PTCHD1: variants seen among roughly 807,000 people sequenced by gnomAD.
The protein encoded by PTCHD1 is patched domain-containing protein 1.
In PTCHD1, 3 loss-of-function variants were observed where a neutral mutation model predicts 34.6. That is an observed-to-expected ratio of 0.09 (90% CI 0.04 to 0.22). The LOEUF (loss-of-function observed/expected upper bound fraction) is 0.22. Among genes scored for constraint, PTCHD1 ranks in the 10% least tolerant of loss-of-function variants. The pLI is 1.00. For missense variants in PTCHD1, 504 were observed against 685.5 expected (o/e 0.74, Z 2.96); for synonymous variants, 305 against 283.1 (o/e 1.08, Z -0.77).
intron 1 of PTCHD1, among the ~76,000 whole-genome samples, chrX:23,367,098 G>T (rs1333156775): frequency 1.8e-5 from 2 of 112,006 alleles, no homozygotes; most frequent in South Asian, 3.7e-4. Flanking sequence ...GAATCTGCCT[G>T]AAGTCCCTCC....
At chrX:23,335,740 A>T (rs775519247) in intron 1 of PTCHD1, among the ~76,000 whole-genome samples, 1 of 111,485 alleles carries the variant, frequency 9.0e-6, no homozygotes, top group Admixed American at 9.4e-5. Flanking sequence ...GGGAAAGGAC[A>T]AAAGAATGTG....
chrX:23,372,181 GTT>G (rs372544790), intron 1 of PTCHD1, among the ~76,000 whole-genome samples: 2 of 101,803 alleles, frequency 2.0e-5, no homozygotes, highest in African/African-American at 3.6e-5. Flanking sequence ...ACATACTAGT[GTT>G]TTTTTTTTTT....
chrX:23,357,825 G>A (rs1224259189), intron 1 of PTCHD1, among the ~76,000 whole-genome samples: 3 of 110,501 alleles, frequency 2.7e-5, no homozygotes, highest in Non-Finnish European at 5.7e-5. Flanking sequence ...CCCACCCCAC[G>A]ACAGGCCCTG....
chrX:23,370,317 C>T (rs1205189643), intron 1 of PTCHD1, among the ~76,000 whole-genome samples: 1 of 111,814 alleles, frequency 8.9e-6, no homozygotes, highest in African/African-American at 3.3e-5. Flanking sequence ...AACCATGCCA[C>T]CAACATCAGC....
At chrX:23,359,961 G>A (rs1367780569) in intron 1 of PTCHD1, among the ~76,000 whole-genome samples, 4 of 111,639 alleles carry the variant, frequency 3.6e-5, no homozygotes, top group Non-Finnish European at 7.5e-5. Flanking sequence ...TTATTGATTT[G>A]CATATGTTGA....
chrX:23,346,348 A>G (rs1349649010), intron 1 of PTCHD1, among the ~76,000 whole-genome samples: 1 of 111,289 alleles, frequency 9.0e-6, no homozygotes, highest in African/African-American at 3.3e-5. Context: ...GAGAGATCCG[A>G]CCCACTCGGA....
In PTCHD1 at chrX:23,364,371, G is replaced by GACACAC. The variant is rs200572986; in HGVS notation, c.352-15181_352-15176dup. On this transcript the variant is annotated intron_variant, in intron 1 of 2. Coordinates refer to ENST00000379361, the MANE Select transcript of PTCHD1 (RefSeq NM_173495.3). ...TCATACCTTAATTATGAAGAGTGTA[G>GACACAC]ACACACACACACACACACACACACA... Among the ~76,000 whole-genome samples, 549 of 91,980 alleles carry GACACAC rather than the reference G, an allele frequency of 6.0e-3. 3 individuals are homozygous for GACACAC. The highest frequency in any genetic ancestry group is 0.02 in the East Asian group (55 of 2,813). The allele number at this position is 91,980 out of a possible 115,157, so 79.9% of individuals were successfully genotyped here.
rs1396502088 is a variant in PTCHD1, at chrX:23,382,038, T to C, written c.1012+1787T>C. Among the ~76,000 whole-genome samples the C allele has an allele frequency of 6.3e-5, 7 of 111,732 alleles. No individual in the cohort carries two copies. In the Admixed American group the frequency reaches 6.7e-4, roughly 11 times the overall value. ...ATTTTTTAGCTTTTCATTTTCTTGC[T>C]GCTTTTGTGGGAGGAAGAGAAATAG... On this transcript the variant is annotated intron_variant, in intron 2 of 2. Transcript: ENST00000379361.
Position 23,341,347 on chromosome X carries a change from G to A in PTCHD1, c.351+6121G>A, listed in dbSNP as rs377468363. Among the ~76,000 whole-genome samples the A allele has an allele frequency of 4.5e-5, 5 of 112,263 alleles. No homozygotes were observed. The East Asian group carries it at 1.1e-3, about 25-fold the overall frequency. On this transcript the variant is annotated intron_variant, in intron 1 of 2. Transcript: ENST00000379361. ...TGAACTGATGACTCCTTAAAAATAC[G>A]AGAAGGAGAAGTAAGCTAACAGAAG... is the stretch of plus-strand genomic sequence containing the variant.
At chrX:23,366,432 G>T (rs768809829) in intron 1 of PTCHD1, among the ~76,000 whole-genome samples, 4 of 111,865 alleles carry the variant, frequency 3.6e-5, no homozygotes, top group African/African-American at 1.3e-4. Flanking sequence ...TTTCCTCTCC[G>T]TTTTCCTACC....
intron 1 of PTCHD1, among the ~76,000 whole-genome samples, chrX:23,374,129 G>A (rs773273284): frequency 9.1e-6 from 1 of 109,609 alleles, no homozygotes; most frequent in South Asian, 4.1e-4. Flanking sequence ...ATCCTGCTGC[G>A]ACATGGGGAA....
intron 1 of PTCHD1, among the ~76,000 whole-genome samples, chrX:23,371,661 G>A (rs1043920224): frequency 9.0e-6 from 1 of 110,964 alleles, no homozygotes; most frequent in African/African-American, 3.3e-5. Flanking sequence ...TATGAACAGA[G>A]GCAGGATTTG....
intron 1 of PTCHD1, among the ~76,000 whole-genome samples, chrX:23,345,961 A>T (rs1460203305): frequency 9.0e-6 from 1 of 111,678 alleles, no homozygotes; most frequent in Non-Finnish European, 1.9e-5. Flanking sequence ...GGAATTCAGG[A>T]GAAAAGGGCT....
intron 1 of PTCHD1, among the ~76,000 whole-genome samples, chrX:23,336,400 T>C (rs781515363): frequency 8.1e-5 from 9 of 111,339 alleles, no homozygotes; most frequent in Admixed American, 3.8e-4. Flanking sequence ...CTAGTCCAGA[T>C]CTGGTACTAG....
chrX:23,338,724 G>C (rs547497172), intron 1 of PTCHD1, among the ~76,000 whole-genome samples: 1 of 112,124 alleles, frequency 8.9e-6, no homozygotes, highest in Non-Finnish European at 1.9e-5. Flanking sequence ...TCCAAGCCCA[G>C]TGTGCTTTTC....
chrX:23,368,552 G>A (rs970494672), intron 1 of PTCHD1, among the ~76,000 whole-genome samples: 3 of 111,337 alleles, frequency 2.7e-5, no homozygotes, highest in African/African-American at 9.8e-5. Flanking sequence ...ATAGGATTGA[G>A]CGAAACAAAA....
At chrX:23,354,199 G>T (rs1195257566) in intron 1 of PTCHD1, among the ~76,000 whole-genome samples, 1 of 110,903 alleles carries the variant, frequency 9.0e-6, no homozygotes, top group Non-Finnish European at 1.9e-5. Context: ...CCAGGAACCA[G>T]CATGGATGAG....
At chrX:23,356,392 T>A (rs1921803291) in intron 1 of PTCHD1, among the ~76,000 whole-genome samples, 1 of 112,258 alleles carries the variant, frequency 8.9e-6, no homozygotes, top group Admixed American at 9.4e-5. Context: ...TAGAGCAGGC[T>A]TCCTGGAGGA....
intron 1 of PTCHD1, among the ~76,000 whole-genome samples, chrX:23,348,347 G>C (rs1471920477): frequency 1.8e-5 from 2 of 109,257 alleles, no homozygotes; most frequent in Non-Finnish European, 3.8e-5. Context: ...CACATAATTG[G>C]AATACCAGAA....
Sources: gnomAD v4.1 joint callset for allele counts (sites outside exome capture counted in the v4.1 genomes callset) on GRCh38, gnomAD v4.1.1 for gene constraint, MANE v1.5 for transcripts, NCBI Gene and HGNC (gene_info 2026-07-23, HGNC 2026-07-21) for gene names.